AFF1: variants seen among roughly 807,000 people sequenced by gnomAD.
AFF1 encodes the protein ALF transcription elongation factor 1.
Under a neutral mutation model 121.7 loss-of-function variants are expected in AFF1, and 48 were observed. The ratio of observed to expected loss-of-function variants is 0.39; its 90% CI spans 0.31 to 0.50. The LOEUF is 0.50. AFF1 is among the 20% of genes least tolerant of loss of function. The pLI is 0.76. For missense variants in AFF1, 1,523 were observed against 1,511.7 expected, an observed-to-expected ratio of 1.01 and a Z score of -0.12; for synonymous variants, 613 against 563.0, an observed-to-expected ratio of 1.09 and a Z score of -1.26.
At chr4:86,947,211 A>G (rs1720930284) in intron 1 of AFF1, among the ~76,000 whole-genome samples, 1 of 152,186 alleles carries the variant, frequency 6.6e-6, no homozygotes. Flanking sequence ...AGAGTGACAC[A>G]TGTTTGACCC....
intron 4 of AFF1, among the ~76,000 whole-genome samples, chr4:87,068,321 A>G (rs1212972184): frequency 7.0e-6 from 1 of 142,462 alleles, no homozygotes; most frequent in Non-Finnish European, 1.5e-5. Context: ...ATGCATTTAC[A>G]CATAATGCCT....
intron 2 of AFF1, among the ~76,000 whole-genome samples, chr4:87,009,420 T>G (rs568087263): frequency 2.8e-4 from 42 of 152,352 alleles, no homozygotes; most frequent in East Asian, 9.6e-4. Flanking sequence ...AAATTGGTTG[T>G]TTGTAATATG....
intron 2 of AFF1, among the ~76,000 whole-genome samples, chr4:86,988,574 C>T (rs1313568572): frequency 1.3e-5 from 2 of 152,300 alleles, no homozygotes; most frequent in Non-Finnish European, 2.9e-5. Flanking sequence ...ATTCCGTGCT[C>T]ATGGATAGGA....
At chr4:86,973,289 A>G (rs947082513) in intron 2 of AFF1, among the ~76,000 whole-genome samples, 2 of 151,836 alleles carry the variant, frequency 1.3e-5, no homozygotes, top group African/African-American at 4.8e-5. Context: ...GTTTGGTTGG[A>G]TCCCATGCCC....
chr4:87,022,552 A>ATG (rs1244978057), intron 2 of AFF1, among the ~76,000 whole-genome samples: 4 of 49,704 alleles, frequency 8.0e-5, no homozygotes, highest in Non-Finnish European at 1.1e-4. Context: ...AGATATATAT[A>ATG]TATATATATA....
chr4:86,948,911 A>C (rs1293300334), intron 2 of AFF1, among the ~76,000 whole-genome samples: 2 of 152,186 alleles, frequency 1.3e-5, no homozygotes, highest in Non-Finnish European at 2.9e-5. Flanking sequence ...GCTTGAAATA[A>C]ATAAACAAAT....
At chr4:87,106,702 A>G (rs577695296) in intron 10 of AFF1, among the ~76,000 whole-genome samples, 5 of 152,328 alleles carry the variant, frequency 3.3e-5, no homozygotes, top group African/African-American at 1.2e-4. Flanking sequence ...AACTTCTTTT[A>G]TAATACTTTC....
chr4:86,957,207 C>T (rs981348772), intron 2 of AFF1, among the ~76,000 whole-genome samples: 1 of 152,232 alleles, frequency 6.6e-6, no homozygotes, highest in Non-Finnish European at 1.5e-5. Flanking sequence ...ATAACATTGT[C>T]TTTGTAGGGA....
intron 2 of AFF1, among the ~76,000 whole-genome samples, chr4:86,954,431 T>TA (rs556211393): frequency 3.6e-4 from 55 of 152,280 alleles, no homozygotes; most frequent in African/African-American, 1.3e-3. Flanking sequence ...AAAATGTTAT[T>TA]AAAATCATTT....
At chr4:87,126,359 C>T (rs373355078) in intron 14 of AFF1, 23 bp downstream of exon 14, 9 of 1,601,330 alleles carry the variant, frequency 5.6e-6, no homozygotes, top group South Asian at 3.3e-5. Context: ...GGCGGTCACT[C>T]TGTAAGATGG....
Position 87,108,148 on chromosome 4 carries a change from T to A in AFF1, c.1377-11T>A. 1.9e-6 allele frequency: 3 copies of A among 1,610,398 alleles called. No individual in the cohort carries two copies. Among genetic ancestry groups the A allele is most frequent in the Non-Finnish European group, 2.5e-6 (3 of 1,178,636 alleles). ...CGTGCCTTCTAATTTTATCTTTTGG[T>A]TGCTTTGCAGTGCTCCACAGTCCCT... is the stretch of plus-strand genomic sequence containing the variant. On this transcript the variant is annotated splice_polypyrimidine_tract_variant and intron_variant, in intron 10 of 20. Transcript: ENST00000395146.
chr4:86,985,209 ATATAT>A lies in AFF1; in HGVS notation c.38+36639_38+36643del, dbSNP rs1560518384. Among the ~76,000 whole-genome samples the A allele has an allele frequency of 9.8e-3, 1,318 of 135,108 alleles. 19 individuals are homozygous for A. The highest frequency in any genetic ancestry group is 0.015 in the Non-Finnish European group (954 of 64,084). The allele number at this position is 135,108 out of a possible 152,430, so 88.6% of individuals were successfully genotyped here. On this transcript the variant is annotated intron_variant, in intron 2 of 20. Transcript: ENST00000395146. ...TATATATATATATATATATATATAT[ATATAT>A]AAAATTATATTTTAGGCCGGGCAGA...
At chr4:87,024,331 AAAG>A (rs1214418112) in intron 2 of AFF1, among the ~76,000 whole-genome samples, 3 of 152,188 alleles carry the variant, frequency 2.0e-5, no homozygotes, top group African/African-American at 7.2e-5. Context: ...TGAAACAAAA[AAAG>A]AGGATGAGAG....
chr4:86,969,828 C>A (rs368109601), intron 2 of AFF1, among the ~76,000 whole-genome samples: 89 of 129,600 alleles, frequency 6.9e-4, no homozygotes, highest in African/African-American at 2.4e-3. Context: ...TGCAGTGAGC[C>A]GAGATAGCAC....
At chr4:87,007,614 T>G (rs746506131) in intron 2 of AFF1, among the ~76,000 whole-genome samples, 4 of 152,158 alleles carry the variant, frequency 2.6e-5, no homozygotes, top group African/African-American at 9.7e-5. Context: ...GCTGGACAAT[T>G]TCTGCACAGC....
intron 2 of AFF1, among the ~76,000 whole-genome samples, chr4:87,026,448 C>T (rs1267653611): frequency 2.0e-5 from 3 of 152,114 alleles, no homozygotes; most frequent in African/African-American, 2.4e-5. Context: ...AATGTTCCAT[C>T]GTGTGGCATG....
At chr4:86,944,529 AG>A (rs1179852290) in intron 1 of AFF1, among the ~76,000 whole-genome samples, 1 of 152,074 alleles carries the variant, frequency 6.6e-6, no homozygotes, top group Non-Finnish European at 1.5e-5. Flanking sequence ...TATTTTTAGT[AG>A]AGATGGGGTT....
At chr4:86,951,754 T>A (rs1721358335) in intron 2 of AFF1, among the ~76,000 whole-genome samples, 1 of 151,430 alleles carries the variant, frequency 6.6e-6, no homozygotes, top group South Asian at 2.1e-4. Context: ...CCTGAGTAGC[T>A]GGGACTACAG....
At chr4:86,985,180 A>AATATATATATATAT (rs1724119781) in intron 2 of AFF1, among the ~76,000 whole-genome samples, 4 of 55,940 alleles carry the variant, frequency 7.2e-5, no homozygotes, top group African/African-American at 4.3e-4. Flanking sequence ...AATATGTATT[A>AATATATATATATAT]CTATATATAT....
Sources: gnomAD v4.1 joint callset for allele counts (sites outside exome capture counted in the v4.1 genomes callset) on GRCh38, gnomAD v4.1.1 for gene constraint, MANE v1.5 for transcripts, NCBI Gene and HGNC (gene_info 2026-07-23, HGNC 2026-07-21) for gene names.